FNIP2: variants seen among roughly 807,000 people sequenced by gnomAD.
FNIP2 encodes folliculin-interacting protein 2.
A neutral mutation model predicts 108.7 loss-of-function variants in FNIP2; 32 were observed. That is an observed-to-expected ratio of 0.29 (90% confidence interval 0.22 to 0.40). The LOEUF (loss-of-function observed/expected upper bound fraction) is 0.40. Ranked by LOEUF, FNIP2 falls within the 10% of genes least tolerant of loss-of-function variation. The probability of loss-of-function intolerance (pLI) is 1.00; values close to 1 mark genes in which losing one functional copy is unlikely to be tolerated. For missense variants in FNIP2, 1,202 were observed against 1,381.6 expected (o/e 0.87, Z 2.06); for synonymous variants, 480 against 496.7 (o/e 0.97, Z 0.45).
At chr4:158,806,503 G>A (rs1238978011) in intron 1 of FNIP2, 1 of 1,023,840 alleles carries the variant, frequency 9.8e-7, no homozygotes, top group Non-Finnish European at 1.3e-6. Context: ...GAATTGTATT[G>A]ATCTGAAAGT....
intron 16 of FNIP2, among the ~76,000 whole-genome samples, chr4:158,903,151 T>C (rs1292786759): frequency 1.3e-5 from 2 of 152,194 alleles, no homozygotes; most frequent in African/African-American, 4.8e-5. Flanking sequence ...CTGTGGGTCA[T>C]GAAGACCATG....
Position 158,895,861 on chromosome 4 carries a change from C to T in FNIP2, c.3262C>T (p.Leu1088=), listed in dbSNP as rs1782624514. 1 of 1,608,730 alleles carries T rather than the reference C, an allele frequency of 6.2e-7. No homozygotes were observed. The highest frequency in any genetic ancestry group is 1.1e-5 in the South Asian group (1 of 90,512). Residue 1088 remains leucine, a synonymous_variant, in exon 16 of 17, where the codon CTG becomes TTG. Coordinates refer to ENST00000264433, the MANE Select transcript of FNIP2 (RefSeq NM_020840.3). ...RVHVKELGVV[L]GIESNDLPLL... is the part of the protein sequence containing the mutation. ...CCATGTGAAAGAATTAGGTGTCGTACTGGGGTGAGTTCTGTGAAGTGCCGT... is the reference window on the plus strand; with the variant it reads ...CCATGTGAAAGAATTAGGTGTCGTATTGGGGTGAGTTCTGTGAAGTGCCGT...
chr4:158,863,459 GCGTTC>G (rs1405899149), intron 12 of FNIP2, among the ~76,000 whole-genome samples: 1 of 152,154 alleles, frequency 6.6e-6, no homozygotes, highest in Admixed American at 6.5e-5. Flanking sequence ...GTGCCACTGT[GCGTTC>G]CCCCTCCATG....
intron 7 of FNIP2, among the ~76,000 whole-genome samples, chr4:158,845,821 T>C (rs1315615706): frequency 1.3e-5 from 2 of 152,266 alleles, no homozygotes; most frequent in Non-Finnish European, 2.9e-5. Context: ...ACAGCACTTT[T>C]ACATAAAAAT....
chr4:158,853,930 C>T (rs1036857333), intron 8 of FNIP2, among the ~76,000 whole-genome samples: 2 of 152,178 alleles, frequency 1.3e-5, no homozygotes, highest in Non-Finnish European at 2.9e-5. Context: ...TTTATGCATT[C>T]TATCACTGTG....
chr4:158,825,791 A>G, intron 1 of FNIP2, 125 bp from the exon 2 acceptor site: 1 of 1,173,480 alleles, frequency 8.5e-7, no homozygotes. Context: ...TGAGGGGATC[A>G]CTAGCCCTGC....
At chr4:158,890,244 T>A (rs1249181935) in intron 14 of FNIP2, 1 of 984,984 alleles carries the variant, frequency 1.0e-6, no homozygotes, top group Non-Finnish European at 1.2e-6. Context: ...TAAATCCTGA[T>A]AATAGGGTTT....
chr4:158,861,693 A>G lies in FNIP2; in HGVS notation c.1382A>G (p.Lys461Arg), dbSNP rs751254902. Residue 461 changes from lysine to arginine, a missense_variant, in exon 12 of 17, where the codon AAA becomes AGA. This residue lies in a region of FNIP2 where 878 missense variants were observed against 990.3 expected (regional missense o/e 0.89). Transcript: ENST00000264433. ...TVMPVDHPPI[K>R]AFSEKRTSQS... ...ATGCCTGTGGATCACCCTCCCATCA[A>G]AGCCTTCTCAGAGAAACGTACCTCC... 1.2e-6 allele frequency: 2 copies of G among 1,613,828 alleles called. No individual in the cohort carries two copies. The highest frequency in any genetic ancestry group is 1.3e-5 in the African/African-American group (1 of 74,888).
At chr4:158,886,515 C>A (rs768694023) in intron 14 of FNIP2, among the ~76,000 whole-genome samples, 1 of 152,172 alleles carries the variant, frequency 6.6e-6, no homozygotes, top group East Asian at 1.9e-4. Context: ...CCCTGGCTGC[C>A]GTTGGACACT....
chr4:158,870,108 A>G (rs527593161), intron 13 of FNIP2, among the ~76,000 whole-genome samples: 3 of 152,226 alleles, frequency 2.0e-5, no homozygotes, highest in Admixed American at 1.3e-4. Context: ...ATAACTAGCC[A>G]TGGATAGTTT....
intron 1 of FNIP2, among the ~76,000 whole-genome samples, chr4:158,776,533 T>C (rs1357356049): frequency 6.6e-6 from 1 of 152,244 alleles, no homozygotes; most frequent in Admixed American, 6.5e-5. Flanking sequence ...TTATCATTCA[T>C]TTCTTCATTA....
intron 14 of FNIP2, among the ~76,000 whole-genome samples, chr4:158,875,938 C>T (rs191978705): frequency 1.3e-4 from 20 of 152,202 alleles, no homozygotes. Context: ...CTAAAATCAT[C>T]ACACATTAGG....
At chr4:158,898,958 A>G (rs1273311536) in intron 16 of FNIP2, among the ~76,000 whole-genome samples, 1 of 152,226 alleles carries the variant, frequency 6.6e-6, no homozygotes. Context: ...TTGCCCATTC[A>G]GTATGATATT....
At chr4:158,807,074 T>C (rs1480212752) in intron 1 of FNIP2, among the ~76,000 whole-genome samples, 10 of 152,194 alleles carry the variant, frequency 6.6e-5, no homozygotes, top group Admixed American at 5.9e-4. Flanking sequence ...GAAATGCTAT[T>C]TGTAAAGAAT....
chr4:158,869,191 C>G lies in FNIP2; in HGVS notation c.2555C>G (p.Pro852Arg). 1 of 1,614,080 alleles carries G rather than the reference C, an allele frequency of 6.2e-7. No homozygotes were observed. Among genetic ancestry groups the G allele is most frequent in the Non-Finnish European group, 8.5e-7 (1 of 1,179,904 alleles). The change falls in exon 13 of 17, where the codon CCT (proline) becomes CGT (arginine). Residue 852 changes from proline (P) to arginine (R), a missense_variant. Pro to Arg is a moderately radical substitution (Grantham distance 103). Transcript: ENST00000264433. ...GCTGCGGAAGGACCTGTGCTGGAGC[C>G]TGTTGCCCCCAGGTGTGTCCAGCGG... is the stretch of plus-strand genomic sequence containing the variant. ...VKAAEGPVLE[P>R]VAPRCVQRGP...
At chr4:158,793,624 GTTA>G (rs1413977942) in intron 1 of FNIP2, among the ~76,000 whole-genome samples, 4 of 152,094 alleles carry the variant, frequency 2.6e-5, no homozygotes, top group Non-Finnish European at 5.9e-5. Context: ...TGTGATTTTT[GTTA>G]TTATGACATT....
chr4:158,889,911 AG>A (rs1474688426), intron 14 of FNIP2: 14 of 985,268 alleles, frequency 1.4e-5, no homozygotes, highest in African/African-American at 1.7e-5. Flanking sequence ...GAGCTTGTAA[AG>A]AGAAGTCACT....
chr4:158,866,306 C>T (rs1780578579), intron 12 of FNIP2, among the ~76,000 whole-genome samples: 1 of 137,530 alleles, frequency 7.3e-6, no homozygotes, highest in Admixed American at 7.8e-5. Context: ...GCAACCTCTG[C>T]CTCCCGGGCT....
intron 7 of FNIP2, chr4:158,836,806 C>T (rs1322724542): frequency 3.7e-4 from 42 of 113,828 alleles, no homozygotes; most frequent in African/African-American, 1.1e-3. Flanking sequence ...ACAGAGACTC[C>T]GTCTCAAAAA....
Sources: gnomAD v4.1 joint callset for allele counts (sites outside exome capture counted in the v4.1 genomes callset) on GRCh38, gnomAD v4.1.1 for gene constraint, gnomAD v4.1.1 regional missense constraint, MANE v1.5 for transcripts, NCBI Gene and HGNC (gene_info 2026-07-23, HGNC 2026-07-21) for gene names.